Variants in CSMD3 observed in about 807,000 individuals in gnomAD.
CSMD3 encodes CUB and Sushi multiple domains 3.
CSMD3 carries 177 observed loss-of-function variants against 435.2 expected under a neutral mutation model. The ratio of observed to expected loss-of-function variants is 0.41; its 90% confidence interval spans 0.36 to 0.46. The LOEUF (loss-of-function observed/expected upper bound fraction) is 0.46, where lower values mean the gene tolerates loss of function less well. Among genes scored for constraint, CSMD3 ranks in the 20% least tolerant of loss-of-function variants. The pLI, the probability that CSMD3 is intolerant of heterozygous loss-of-function variation, is 0.34. For synonymous variants in CSMD3, 1,656 were observed against 1,520.5 expected (o/e 1.09, Z -2.07); for missense variants, 4,265 against 4,504.6 (o/e 0.95, Z 1.52).
intron 5 of CSMD3, among the ~76,000 whole-genome samples, chr8:113,039,066 G>A (rs2087484474): frequency 6.6e-6 from 1 of 151,968 alleles, no homozygotes. Context: ...ATGGTATAGT[G>A]TTCTATGAAA....
intron 13 of CSMD3, among the ~76,000 whole-genome samples, chr8:112,757,140 A>G (rs564421142): frequency 6.6e-6 from 1 of 152,242 alleles, no homozygotes; most frequent in East Asian, 1.9e-4. Flanking sequence ...AACTTTTAAT[A>G]CTTTATTTTA....
At chr8:112,829,303 T>C (rs1342648106) in intron 12 of CSMD3, among the ~76,000 whole-genome samples, 2 of 152,138 alleles carry the variant, frequency 1.3e-5, no homozygotes, top group African/African-American at 4.8e-5. Flanking sequence ...GCACCAGGTA[T>C]TTGTGATGCA....
chr8:112,701,609 T>C (rs751243402), intron 13 of CSMD3, among the ~76,000 whole-genome samples: 29 of 152,228 alleles, frequency 1.9e-4, no homozygotes, highest in Non-Finnish European at 3.4e-4. Flanking sequence ...TTAAGAAATT[T>C]TTTTGTCTCT....
At chr8:112,636,669 C>A (rs1342727282) in intron 22 of CSMD3, 148 bp downstream of exon 22, 3 of 721,402 alleles carry the variant, frequency 4.2e-6, no homozygotes, top group Non-Finnish European at 7.2e-6. Flanking sequence ...TTCAGTTACA[C>A]CAGATTGCCA....
chr8:113,228,609 G>T (rs1414098240), intron 3 of CSMD3, among the ~76,000 whole-genome samples: 2 of 151,082 alleles, frequency 1.3e-5, no homozygotes, highest in South Asian at 4.2e-4. Flanking sequence ...CATATGGATG[G>T]TTCCATATTT....
intron 3 of CSMD3, among the ~76,000 whole-genome samples, chr8:113,251,013 A>C (rs1375589706): frequency 6.6e-6 from 1 of 152,012 alleles, no homozygotes; most frequent in Non-Finnish European, 1.5e-5. Flanking sequence ...AGGAAAAAAA[A>C]AGTTTAAAAA....
At chr8:112,256,372 G>A (rs1815804427) in intron 61 of CSMD3, among the ~76,000 whole-genome samples, 1 of 152,062 alleles carries the variant, frequency 6.6e-6, no homozygotes, top group Admixed American at 6.6e-5. Flanking sequence ...TTAGGAGGTG[G>A]GAGAAGATCT....
intron 7 of CSMD3, among the ~76,000 whole-genome samples, chr8:112,963,892 G>A (rs2084324000): frequency 2.0e-5 from 3 of 151,624 alleles, no homozygotes; most frequent in African/African-American, 7.3e-5. Context: ...TTTTTCCTAA[G>A]GAAATAAGCT....
At chr8:112,358,659 G>A (rs897076111) in intron 38 of CSMD3, among the ~76,000 whole-genome samples, 3 of 152,146 alleles carry the variant, frequency 2.0e-5, no homozygotes, top group Non-Finnish European at 2.9e-5. Flanking sequence ...TATGTAAGAC[G>A]TGACTTGCTG....
At chr8:112,811,382 T>C (rs936596688) in intron 12 of CSMD3, among the ~76,000 whole-genome samples, 34 of 148,266 alleles carry the variant, frequency 2.3e-4, no homozygotes, top group Non-Finnish European at 4.2e-4. Flanking sequence ...CTTTCAGATA[T>C]GTGTAAATGT....
intron 10 of CSMD3, among the ~76,000 whole-genome samples, chr8:112,905,047 C>A (rs966440553): frequency 1.4e-4 from 21 of 151,100 alleles, no homozygotes; most frequent in African/African-American, 4.9e-4. Context: ...TCAGATTAAT[C>A]AAAGTATCTG....
intron 1 of CSMD3, among the ~76,000 whole-genome samples, chr8:113,372,378 G>C (rs191892571): frequency 6.6e-6 from 1 of 152,260 alleles, no homozygotes; most frequent in East Asian, 1.9e-4. Context: ...ATAAATATGA[G>C]TTTTAATCCA....
At chr8:112,432,868 G>T (rs1417607502) in intron 32 of CSMD3, among the ~76,000 whole-genome samples, 1 of 150,620 alleles carries the variant, frequency 6.6e-6, no homozygotes, top group Non-Finnish European at 1.5e-5. Flanking sequence ...TTGAGCCCAG[G>T]AGTTCAAGAC....
At chr8:113,285,055 T>C (rs1467572932) in intron 2 of CSMD3, among the ~76,000 whole-genome samples, 1 of 152,188 alleles carries the variant, frequency 6.6e-6, no homozygotes, top group East Asian at 1.9e-4. Context: ...ATGATTTTTT[T>C]CTATGAAGCC....
rs550589190 is a variant in CSMD3, at chr8:112,749,674, A to T, written c.1972+50488T>A. ...ATTGTGCAGCACTGTGGCCTAAGTG[A>T]TGGATGAACTGTGATATGCCTCAGT... On this transcript the variant is annotated intron_variant, in intron 13 of 70. Transcript: ENST00000297405. 2.6e-5 allele frequency among the ~76,000 whole-genome samples: 4 copies of T among 152,274 alleles called. No homozygotes were observed. The East Asian group carries it at 7.7e-4, about 29-fold the overall frequency.
intron 4 of CSMD3, among the ~76,000 whole-genome samples, chr8:113,130,055 T>C (rs972638715): frequency 6.6e-5 from 10 of 151,956 alleles, no homozygotes; most frequent in African/African-American, 2.4e-4. Flanking sequence ...ATCAAAATAA[T>C]AGCAGCTTAC....
At chr8:113,397,887 T>C (rs996169393) in intron 1 of CSMD3, among the ~76,000 whole-genome samples, 8 of 151,896 alleles carry the variant, frequency 5.3e-5, no homozygotes, top group Non-Finnish European at 4.4e-5. Context: ...ACTCTGGAAA[T>C]AAATAGACAG....
chr8:113,270,718 C>G (rs1184337429), intron 3 of CSMD3, among the ~76,000 whole-genome samples: 4 of 151,774 alleles, frequency 2.6e-5, no homozygotes, highest in Admixed American at 2.6e-4. Flanking sequence ...AGCAAACTAT[C>G]GCAAGGACAA....
At chr8:113,383,451 T>C (rs561205163) in intron 1 of CSMD3, among the ~76,000 whole-genome samples, 24 of 152,154 alleles carry the variant, frequency 1.6e-4, no homozygotes, top group African/African-American at 5.1e-4. Flanking sequence ...AATGGAGAGA[T>C]GCACATTTGA....
Sources: allele counts gnomAD v4.1 joint callset (sites outside exome capture counted in the v4.1 genomes callset), GRCh38; gene constraint gnomAD v4.1.1; transcripts MANE v1.5; gene names NCBI Gene and HGNC (gene_info 2026-07-23, HGNC 2026-07-21).